Variants in AMPH observed in about 807,000 individuals in gnomAD.
The protein encoded by AMPH is amphiphysin (Stiff-Mann syndrome with breast cancer 128kD autoantigen).
Under a neutral mutation model 99.1 loss-of-function variants are expected in AMPH, and 49 were observed. The observed-to-expected ratio is 0.49, with a 90% CI of 0.39 to 0.63. The LOEUF (loss-of-function observed/expected upper bound fraction) is 0.63, where lower values mean the gene tolerates loss of function less well. AMPH is among the 20% of genes least tolerant of loss of function. AMPH has a pLI of 0.00. For missense variants in AMPH, 759 were observed against 863.4 expected (o/e 0.88, Z 1.52); for synonymous variants, 314 against 317.3 (o/e 0.99, Z 0.11).
intron 16 of AMPH, among the ~76,000 whole-genome samples, chr7:38,421,727 T>C (rs1785587310): frequency 6.6e-6 from 1 of 152,236 alleles, no homozygotes; most frequent in African/African-American, 2.4e-5. Flanking sequence ...ATAACCCTCA[T>C]GAACTAGTCC....
intron 16 of AMPH, among the ~76,000 whole-genome samples, chr7:38,421,693 C>T (rs993478590): frequency 6.6e-6 from 1 of 152,208 alleles, no homozygotes; most frequent in Admixed American, 6.5e-5. Context: ...GCACTATTCC[C>T]ATGAGAAAAC....
At chr7:38,449,452 A>G (rs1786921263) in intron 11 of AMPH, among the ~76,000 whole-genome samples, 1 of 152,252 alleles carries the variant, frequency 6.6e-6, no homozygotes, top group African/African-American at 2.4e-5. Context: ...GAGACCTTGC[A>G]GAAAGATATT....
chr7:38,548,867 T>C (rs1217207699), intron 1 of AMPH, among the ~76,000 whole-genome samples: 4 of 151,534 alleles, frequency 2.6e-5, no homozygotes, highest in African/African-American at 9.7e-5. Context: ...TAATCTTTTA[T>C]TACGCAGTTG....
chr7:38,626,127 G>A (rs1584320473), intron 1 of AMPH, among the ~76,000 whole-genome samples: 1 of 152,178 alleles, frequency 6.6e-6, no homozygotes, highest in Non-Finnish European at 1.5e-5. Flanking sequence ...AGGTTGAGGA[G>A]AGGGGAACAG....
intron 1 of AMPH, among the ~76,000 whole-genome samples, chr7:38,574,883 G>A (rs563630557): frequency 1.5e-4 from 22 of 151,692 alleles, no homozygotes; most frequent in African/African-American, 2.9e-4. Flanking sequence ...GTGAAACCCC[G>A]TCTCTACTAA....
rs1794458053 is a variant in AMPH at position 38,631,363 on chromosome 7, C to T, written c.-12G>A. ...TTGATGTCGGCCATGGCTGCGGGTC[C>T]GGGGAGCTGCGAAGAGCAGAGCGCG... On this transcript the variant is annotated 5_prime_UTR_variant, in exon 1 of 21. Coordinates refer to ENST00000356264, the MANE Select transcript of AMPH (RefSeq NM_001635.4). 1 of 1,542,036 alleles carries T rather than the reference C, an allele frequency of 6.5e-7. No individual in the cohort carries two copies. The highest frequency in any genetic ancestry group is 8.7e-7 in the Non-Finnish European group (1 of 1,145,448).
chr7:38,387,250 G>A lies in AMPH; in HGVS notation c.1981-2325C>T, dbSNP rs1264650316. ...ATCAATTAAAAAATTATTAGACATG[G>A]AAAAACAGGAAAATATGACCAAAAG... On this transcript the variant is annotated intron_variant, in intron 20 of 20. Coordinates refer to ENST00000356264, the MANE Select transcript of AMPH (RefSeq NM_001635.4). Among the ~76,000 whole-genome samples the A allele has an allele frequency of 2.6e-5, 4 of 152,138 alleles. No individual in the cohort carries two copies. In the East Asian group the frequency reaches 7.7e-4, roughly 29 times the overall value.
chr7:38,439,872 T>A (rs1439250294), intron 11 of AMPH, among the ~76,000 whole-genome samples: 8 of 152,178 alleles, frequency 5.3e-5, no homozygotes, highest in Non-Finnish European at 1.2e-4. Flanking sequence ...AGATGTGCAA[T>A]TTGAGCATAA....
chr7:38,589,036 T>C (rs140863947), intron 1 of AMPH, among the ~76,000 whole-genome samples: 41 of 152,252 alleles, frequency 2.7e-4, no homozygotes, highest in African/African-American at 8.7e-4. Context: ...AATCATATAA[T>C]TAAAACTCAC....
chr7:38,411,355 A>T (rs746408216), intron 17 of AMPH, among the ~76,000 whole-genome samples: 15 of 152,174 alleles, frequency 9.9e-5, no homozygotes, highest in Non-Finnish European at 1.9e-4. Flanking sequence ...GCAGTATCTG[A>T]ACTGCTTGAG....
intron 5 of AMPH, among the ~76,000 whole-genome samples, chr7:38,479,514 T>C (rs1350290114): frequency 6.6e-6 from 1 of 152,086 alleles, no homozygotes; most frequent in Non-Finnish European, 1.5e-5. Context: ...CTACTTTTAA[T>C]TGCTTGAAAA....
chr7:38,437,936 C>A (rs1278868591), intron 11 of AMPH, among the ~76,000 whole-genome samples: 7 of 152,152 alleles, frequency 4.6e-5, no homozygotes, highest in Non-Finnish European at 1.0e-4. Context: ...ATTTTCTATT[C>A]TGCAGCACAG....
At chr7:38,623,710 A>G (rs1584317839) in intron 1 of AMPH, among the ~76,000 whole-genome samples, 1 of 152,224 alleles carries the variant, frequency 6.6e-6, no homozygotes, top group East Asian at 1.9e-4. Flanking sequence ...TCTCCTTGAC[A>G]GAGGAGGATC....
intron 2 of AMPH, among the ~76,000 whole-genome samples, chr7:38,511,014 T>C (rs572771717): frequency 1.3e-5 from 2 of 152,174 alleles, no homozygotes; most frequent in Non-Finnish European, 2.9e-5. Context: ...CTTCTAACCA[T>C]GCAACTTGGG....
At chr7:38,402,078 A>G (rs1784856577) in intron 17 of AMPH, among the ~76,000 whole-genome samples, 1 of 152,154 alleles carries the variant, frequency 6.6e-6, no homozygotes, top group Non-Finnish European at 1.5e-5. Context: ...TCTTTACCAC[A>G]TCTCATGCAA....
At chr7:38,399,579 A>G (rs193267638) in intron 17 of AMPH, among the ~76,000 whole-genome samples, 1 of 152,354 alleles carries the variant, frequency 6.6e-6, no homozygotes, top group Admixed American at 6.5e-5. Context: ...ATGCATTTCA[A>G]TTTGTTAGCT....
At chr7:38,527,551 T>C (rs1305721103) in intron 2 of AMPH, among the ~76,000 whole-genome samples, 1 of 152,232 alleles carries the variant, frequency 6.6e-6, no homozygotes, top group African/African-American at 2.4e-5. Context: ...ATGTTCATTG[T>C]GAGTATATAG....
chr7:38,493,059 GCT>G (rs1788788711), intron 4 of AMPH, among the ~76,000 whole-genome samples: 1 of 152,174 alleles, frequency 6.6e-6, no homozygotes, highest in South Asian at 2.1e-4. Flanking sequence ...GCCAACAAAT[GCT>G]TTCCTCATAA....
rs141912029 is a variant in AMPH at position 38,400,139 on chromosome 7, G to T, written c.1399-5925C>A. Among the ~76,000 whole-genome samples, 271 of 152,194 alleles carry T rather than the reference G, an allele frequency of 1.8e-3. 4 individuals are homozygous for T. The East Asian group carries it at 0.046, about 26-fold the overall frequency. ...TGCCCAGGCTGGAGTGCAATGGTGT[G>T]ATCTTGGCTCACTGCAACCTCCGCC... On this transcript the variant is annotated intron_variant, in intron 17 of 20. Coordinates refer to ENST00000356264, the MANE Select transcript of AMPH (RefSeq NM_001635.4).
Sources: gnomAD v4.1 joint callset for allele counts (sites outside exome capture counted in the v4.1 genomes callset) on GRCh38, gnomAD v4.1.1 for gene constraint, MANE v1.5 for transcripts, NCBI Gene and HGNC (gene_info 2026-07-23, HGNC 2026-07-21) for gene names.